PDGFD: variants seen among roughly 807,000 people sequenced by gnomAD.
PDGFD encodes the protein platelet derived growth factor D.
In PDGFD, 30 loss-of-function variants were observed where a neutral mutation model predicts 44.7. The observed-to-expected ratio is 0.67, with a 90% CI of 0.50 to 0.91. The LOEUF (loss-of-function observed/expected upper bound fraction) is 0.91. Among genes scored for constraint, PDGFD ranks in the 40% least tolerant of loss-of-function variants. PDGFD has a pLI of 0.00. For missense variants in PDGFD, 445 were observed against 457.8 expected (o/e 0.97, Z 0.25); for synonymous variants, 173 against 168.4 (o/e 1.03, Z -0.21).
intron 4 of PDGFD, chr11:103,945,699 C>T (rs1022921198): frequency 1.2e-4 from 19 of 152,180 alleles, no homozygotes; most frequent in African/African-American, 4.6e-4. Flanking sequence ...TGGAGTTCTC[C>T]AGGGTGGCTC....
rs148659088 is a variant in PDGFD, at chr11:103,966,785, T to C, written c.511-19061A>G. Among the ~76,000 whole-genome samples the C allele has an allele frequency of 2.2e-3, 334 of 152,328 alleles. 5 individuals carry two copies. The highest frequency in any genetic ancestry group is 7.7e-3 in the African/African-American group (319 of 41,572). ...GCACAATATCACTTCCAAGAGGCTA[T>C]TGCTTTGTGATGCCTTCTAGACAGA... is the stretch of plus-strand genomic sequence containing the variant. On this transcript the variant is annotated intron_variant, in intron 3 of 6. Transcript: ENST00000393158.
intron 1 of PDGFD, among the ~76,000 whole-genome samples, chr11:104,082,954 T>C (rs561196120): frequency 1.3e-5 from 2 of 152,280 alleles, no homozygotes; most frequent in African/African-American, 4.8e-5. Flanking sequence ...TCCTGTCTCT[T>C]ACCACCACTA....
chr11:104,074,327 T>C (rs1860922764), intron 1 of PDGFD, among the ~76,000 whole-genome samples: 1 of 152,154 alleles, frequency 6.6e-6, no homozygotes, highest in Non-Finnish European at 1.5e-5. Flanking sequence ...CTATACACTT[T>C]GAGGTAGTTT....
intron 1 of PDGFD, among the ~76,000 whole-genome samples, chr11:104,045,203 C>CT (rs1860421324): frequency 6.6e-6 from 1 of 151,966 alleles, no homozygotes; most frequent in South Asian, 2.1e-4. Flanking sequence ...GAAAATAGGC[C>CT]TGAATGATCA....
chr11:104,120,792 T>A (rs1861767943), intron 1 of PDGFD, among the ~76,000 whole-genome samples: 1 of 151,952 alleles, frequency 6.6e-6, no homozygotes, highest in Non-Finnish European at 1.5e-5. Context: ...CCAACTATTG[T>A]GATTTTTTTC....
intron 3 of PDGFD, among the ~76,000 whole-genome samples, chr11:103,980,189 T>C (rs962719751): frequency 6.6e-6 from 1 of 152,070 alleles, no homozygotes; most frequent in Non-Finnish European, 1.5e-5. Flanking sequence ...AAAAAATCTG[T>C]TTTTAGCATT....
Position 103,909,782 on chromosome 11 carries a change from C to A in PDGFD, c.1025G>T (p.Gly342Val), listed in dbSNP as rs751979735. The A allele has an allele frequency of 4.3e-6, 7 of 1,614,058 alleles. No individual in the cohort carries two copies. In the Admixed American group the frequency reaches 1.2e-4, roughly 27 times the overall value. Residue 342 changes from glycine (G) to valine (V), a missense_variant, in exon 7 of 7, where the codon GGT becomes GTT. Coordinates refer to ENST00000393158, the MANE Select transcript of PDGFD (RefSeq NM_025208.5). Reference sequence around the variant, plus strand: ...AACTAGAGCCATGGTCTTAGCTCTACCCCTCCTCTTGATGTGGCCAGGCTC... The same window carrying A: ...AACTAGAGCCATGGTCTTAGCTCTAACCCTCCTCTTGATGTGGCCAGGCTC... ...QFEPGHIKRR[G>V]RAKTMALVDI...
chr11:104,023,556 G>A (rs956825834), intron 1 of PDGFD, among the ~76,000 whole-genome samples: 2 of 152,020 alleles, frequency 1.3e-5, no homozygotes, highest in East Asian at 1.9e-4. Context: ...GCGCACTATC[G>A]ATCCATTCTT....
chr11:104,157,712 T>A (rs1862327628), intron 1 of PDGFD, among the ~76,000 whole-genome samples: 2 of 152,168 alleles, frequency 1.3e-5, no homozygotes, highest in Non-Finnish European at 2.9e-5. Flanking sequence ...AAATGAAGAA[T>A]CCTAATATAT....
intron 4 of PDGFD, chr11:103,945,772 T>G (rs1858659747): frequency 6.6e-6 from 1 of 152,184 alleles, no homozygotes; most frequent in African/African-American, 2.4e-5. Context: ...TGTGGGGAAC[T>G]CTCAGTCCCT....
intron 1 of PDGFD, among the ~76,000 whole-genome samples, chr11:104,145,002 C>T (rs2119886566): frequency 6.6e-6 from 1 of 152,280 alleles, no homozygotes; most frequent in Non-Finnish European, 1.5e-5. Context: ...TGAAAATACC[C>T]TGCTTGCCTT....
At chr11:103,936,795 T>C (rs1858494766) in intron 5 of PDGFD, among the ~76,000 whole-genome samples, 1 of 151,858 alleles carries the variant, frequency 6.6e-6, no homozygotes, top group Admixed American at 6.6e-5. Flanking sequence ...CTGCACTCAA[T>C]ATTAAAATAC....
intron 1 of PDGFD, among the ~76,000 whole-genome samples, chr11:104,100,605 C>A (rs2134444635): frequency 6.6e-6 from 1 of 152,186 alleles, no homozygotes; most frequent in East Asian, 1.9e-4. Context: ...TATATGAGGC[C>A]AGCATCATCC....
intron 1 of PDGFD, among the ~76,000 whole-genome samples, chr11:104,094,313 T>C (rs146540177): frequency 5.3e-5 from 8 of 152,202 alleles, no homozygotes; most frequent in Non-Finnish European, 8.8e-5. Flanking sequence ...TTGGAATTCC[T>C]TGGGGACCAA....
intron 1 of PDGFD, among the ~76,000 whole-genome samples, chr11:104,144,501 C>T (rs1353590210): frequency 7.1e-5 from 5 of 69,940 alleles, no homozygotes; most frequent in Admixed American, 4.7e-4. Flanking sequence ...AGCAAAACTC[C>T]GTCACCAAAA....
intron 1 of PDGFD, among the ~76,000 whole-genome samples, chr11:104,134,542 C>A (rs1861973011): frequency 6.6e-6 from 1 of 152,048 alleles, no homozygotes; most frequent in African/African-American, 2.4e-5. Context: ...ATGGTGGTAC[C>A]CAGTCCATAG....
At chr11:103,921,742 T>G (rs77450495) in intron 6 of PDGFD, among the ~76,000 whole-genome samples, 2,109 of 151,492 alleles carry the variant, frequency 0.014, 49 homozygotes, top group African/African-American at 0.048. Context: ...AAGAAGTCAT[T>G]TTTTTTTCAT....
chr11:104,105,248 C>A (rs1007427378), intron 1 of PDGFD, among the ~76,000 whole-genome samples: 2 of 152,088 alleles, frequency 1.3e-5, no homozygotes, highest in Non-Finnish European at 2.9e-5. Context: ...TGTAGCTGAG[C>A]AAGAAGGAGG....
chr11:103,941,620 C>T (rs772381637), intron 5 of PDGFD, among the ~76,000 whole-genome samples: 2 of 151,584 alleles, frequency 1.3e-5, no homozygotes, highest in Non-Finnish European at 1.5e-5. Context: ...GATCAGGGTG[C>T]CTGCTAAAAA....
Sources: allele counts gnomAD v4.1 joint callset (sites outside exome capture counted in the v4.1 genomes callset), GRCh38; gene constraint gnomAD v4.1.1; transcripts MANE v1.5; gene names NCBI Gene and HGNC (gene_info 2026-07-23, HGNC 2026-07-21).